Variants in ZNF704 observed in about 807,000 individuals in gnomAD.
ZNF704 encodes glucocorticoid induced gene 1.
Under a neutral mutation model 44.7 loss-of-function variants are expected in ZNF704, and 10 were observed. That is an observed-to-expected ratio of 0.22 (90% CI 0.14 to 0.38). The LOEUF is 0.38. Among genes scored for constraint, ZNF704 ranks in the 10% least tolerant of loss-of-function variants. The pLI, the probability that ZNF704 is intolerant of heterozygous loss-of-function variation, is 1.00. For synonymous variants in ZNF704, 211 were observed against 207.6 expected, an observed-to-expected ratio of 1.02 and a Z score of -0.14; for missense variants, 390 against 545.5, an observed-to-expected ratio of 0.71 and a Z score of 2.84.
chr8:80,697,105 A>G (rs767950864), intron 2 of ZNF704, among the ~76,000 whole-genome samples: 4 of 152,180 alleles, frequency 2.6e-5, no homozygotes, highest in Non-Finnish European at 2.9e-5. Flanking sequence ...GGAGAAACAC[A>G]TCAAGGAAGG....
At chr8:80,877,086 C>G (rs981258810), upstream of ZNF704, among the ~76,000 whole-genome samples, 3 of 145,328 alleles carry the variant, frequency 2.1e-5, no homozygotes, top group Non-Finnish European at 4.5e-5. Flanking sequence ...GCTGTATATG[C>G]TTTGAAATCA....
In ZNF704 at chr8:80,874,417, C is replaced by T. The variant is rs1809327186; in HGVS notation, c.-22+154G>A. ...GCGCGCCTCTCCCGGCCGGCTGCGC[C>T]CGCGCGCTCCGGGCCTACCGCTGCC... On this transcript the variant is annotated intron_variant, in intron 1 of 8. Transcript: ENST00000327835. This position sits in a 1 kb window ranked among gnomAD's most constrained non-coding sequence, Gnocchi z 4.4. Among the ~76,000 whole-genome samples, 1 of 149,330 alleles carries T rather than the reference C, an allele frequency of 6.7e-6. No homozygotes were observed. Among genetic ancestry groups the T allele is most frequent in the Non-Finnish European group, 1.5e-5 (1 of 67,112 alleles).
chr8:80,732,891 T>C (rs1426005270), intron 2 of ZNF704, among the ~76,000 whole-genome samples: 2 of 147,298 alleles, frequency 1.4e-5, no homozygotes, highest in African/African-American at 5.1e-5. Context: ...GAGGTCAAGG[T>C]TGCAGTGAGC....
At chr8:80,839,139 CTTCT>C (rs931774069) in intron 1 of ZNF704, among the ~76,000 whole-genome samples, 9 of 152,220 alleles carry the variant, frequency 5.9e-5, no homozygotes, top group Non-Finnish European at 8.8e-5. Context: ...CTGGTTTCAA[CTTCT>C]TTCAATAAAA....
In ZNF704 at chr8:80,874,236, G is replaced by T. The variant is rs1440076192; in HGVS notation, c.-22+335C>A. Among the ~76,000 whole-genome samples, 5 of 144,908 alleles carry T rather than the reference G, an allele frequency of 3.5e-5. No homozygotes were observed. Among genetic ancestry groups the T allele is most frequent in the Non-Finnish European group, 6.1e-5 (4 of 65,524 alleles). ...CGCCGCCTTCGCTGGACCGGCCGGC[G>T]GGGACGCCGGCGGCCGGCGGCTACG... On this transcript the variant is annotated intron_variant, in intron 1 of 8. Coordinates refer to ENST00000327835, the MANE Select transcript of ZNF704 (RefSeq NM_001033723.3). This position sits in a 1 kb window ranked among gnomAD's most constrained non-coding sequence, Gnocchi z 4.4.
chr8:80,823,496 A>G (rs1316549110), intron 1 of ZNF704, among the ~76,000 whole-genome samples: 2 of 152,234 alleles, frequency 1.3e-5, no homozygotes, highest in Non-Finnish European at 2.9e-5. Context: ...CTCTGGGGGT[A>G]GGGCACAGCT....
At chr8:80,769,331 T>C (rs1807280449) in intron 2 of ZNF704, among the ~76,000 whole-genome samples, 2 of 152,232 alleles carry the variant, frequency 1.3e-5, no homozygotes, top group Admixed American at 6.5e-5. Context: ...AGTTCCCATG[T>C]ATAATTCACC....
intron 2 of ZNF704, among the ~76,000 whole-genome samples, chr8:80,763,054 T>C (rs2131721608): frequency 6.6e-6 from 1 of 152,366 alleles, no homozygotes; most frequent in African/African-American, 2.4e-5. Context: ...GCTCTGCCCC[T>C]GTGGCTTTGC....
At chr8:80,643,997 C>A (rs1169462875) in intron 7 of ZNF704, among the ~76,000 whole-genome samples, 1 of 152,172 alleles carries the variant, frequency 6.6e-6, no homozygotes, top group Admixed American at 6.5e-5. Context: ...CACGTCCCAA[C>A]AGGAAGGAAT....
chr8:80,691,027 A>G (rs2131635342), intron 3 of ZNF704, among the ~76,000 whole-genome samples: 1 of 152,150 alleles, frequency 6.6e-6, no homozygotes, highest in Admixed American at 6.5e-5. Context: ...AAAAAAAAAA[A>G]AGAGGAAGTG....
chr8:80,807,966 C>T (rs1349403859), intron 2 of ZNF704, among the ~76,000 whole-genome samples: 1 of 152,184 alleles, frequency 6.6e-6, no homozygotes, highest in African/African-American at 2.4e-5. Flanking sequence ...CTGATCTTAT[C>T]TACTCTAAAA....
chr8:80,850,403 A>T (rs902800034), intron 1 of ZNF704, among the ~76,000 whole-genome samples: 1 of 152,130 alleles, frequency 6.6e-6, no homozygotes. Context: ...TTTCCCCCCA[A>T]AAAAACTTCC....
chr8:80,650,374 A>C (rs1255873836), intron 7 of ZNF704, among the ~76,000 whole-genome samples: 2 of 152,230 alleles, frequency 1.3e-5, no homozygotes, highest in African/African-American at 4.8e-5. Flanking sequence ...CTCCGAGCTA[A>C]AGGAGGAAGT....
At chr8:80,754,632 C>T (rs957760758) in intron 2 of ZNF704, among the ~76,000 whole-genome samples, 2 of 152,074 alleles carry the variant, frequency 1.3e-5, no homozygotes, top group African/African-American at 4.8e-5. Context: ...AACAAAAAAC[C>T]ATTCTCATTG....
chr8:80,669,967 C>T (rs558816278), intron 5 of ZNF704, among the ~76,000 whole-genome samples: 6 of 152,324 alleles, frequency 3.9e-5, no homozygotes, highest in Non-Finnish European at 7.4e-5. Flanking sequence ...TTCGTAAGAA[C>T]AGCAACAGCA....
intron 7 of ZNF704, among the ~76,000 whole-genome samples, chr8:80,657,871 A>G (rs1021670935): frequency 1.3e-5 from 2 of 152,116 alleles, no homozygotes; most frequent in African/African-American, 4.8e-5. Context: ...CAGGTAATCA[A>G]CACAGAGTGA....
Position 80,665,019 on chromosome 8 carries a change from G to A in ZNF704, c.723C>T (p.Leu241=). ...EEDFYYTEIK[L]NTDSVADGLS... is the part of the protein sequence containing the mutation. Reference sequence around the variant, plus strand: ...GCCCGTCTGCCACTGAGTCTGTGTTGAGCTTGATCTCAGTGTAGTAAAAGT... The same window carrying A: ...GCCCGTCTGCCACTGAGTCTGTGTTAAGCTTGATCTCAGTGTAGTAAAAGT... The change falls in exon 6 of 9, where the codon CTC becomes CTT. Residue 241 remains leucine, a synonymous_variant. Coordinates refer to ENST00000327835, the MANE Select transcript of ZNF704 (RefSeq NM_001033723.3). 6 of 1,614,204 alleles carry A rather than the reference G, an allele frequency of 3.7e-6. No individual in the cohort carries two copies. In the South Asian group the frequency reaches 5.5e-5, roughly 15 times the overall value.
intron 2 of ZNF704, among the ~76,000 whole-genome samples, chr8:80,786,543 A>C (rs1473945891): frequency 2.0e-5 from 3 of 152,252 alleles, no homozygotes; most frequent in Non-Finnish European, 4.4e-5. Context: ...TAGAAGAGAC[A>C]GTCTGCAATT....
At chr8:80,803,450 T>C (rs1372179843) in intron 2 of ZNF704, among the ~76,000 whole-genome samples, 1 of 152,180 alleles carries the variant, frequency 6.6e-6, no homozygotes, top group Non-Finnish European at 1.5e-5. Context: ...AAGGCTACAG[T>C]AACCAAAACA....
Sources: gnomAD v4.1 joint callset for allele counts (sites outside exome capture counted in the v4.1 genomes callset) on GRCh38, gnomAD v4.1.1 for gene constraint, Gnocchi (gnomAD v3.1) non-coding constraint, MANE v1.5 for transcripts, NCBI Gene and HGNC (gene_info 2026-07-23, HGNC 2026-07-21) for gene names.